Variants in LRP6 observed in about 807,000 individuals in gnomAD.
The protein encoded by LRP6 is low-density lipoprotein receptor-related protein 6.
Under a neutral mutation model 184.1 loss-of-function variants are expected in LRP6, and 43 were observed. The observed-to-expected ratio is 0.23, with a 90% CI of 0.18 to 0.30. LRP6 has a LOEUF of 0.30. Ranked by LOEUF, LRP6 falls within the 10% of genes least tolerant of loss-of-function variation. LRP6 has a pLI of 1.00. For synonymous variants in LRP6, 719 were observed against 684.9 expected (o/e 1.05, Z -0.78); for missense variants, 1,571 against 2,005.3 (o/e 0.78, Z 4.14).
Position 12,116,589 on chromosome 12 carries a change from T to G in LRP6, c.*4537A>C, listed in dbSNP as rs541718138. 6.6e-6 allele frequency: 1 copy of G among 152,282 alleles called. No homozygotes were observed. Among genetic ancestry groups the G allele is most frequent in the African/African-American group, 2.4e-5 (1 of 41,544 alleles). 9.4% of individuals were successfully genotyped at this position (152,282 alleles called of 1,614,324 possible). On this transcript the variant is annotated 3_prime_UTR_variant, in exon 23 of 23. Coordinates refer to ENST00000261349, the MANE Select transcript of LRP6 (RefSeq NM_002336.3). ...TGACTGAAAAACACAACCACCAAAA[T>G]GGACAGTTCAGCAAAAGCGCGTTGT...
At chr12:12,198,387 T>C (rs1230339023) in intron 3 of LRP6, among the ~76,000 whole-genome samples, 1 of 152,148 alleles carries the variant, frequency 6.6e-6, no homozygotes, top group Non-Finnish European at 1.5e-5. Flanking sequence ...TATTTCTTTT[T>C]GGTCTTTAAA....
intron 11 of LRP6, 24 bp downstream of exon 11, chr12:12,159,756 T>C (rs762724545): frequency 1.3e-5 from 21 of 1,611,178 alleles, no homozygotes; most frequent in Non-Finnish European, 1.8e-5. Flanking sequence ...ATATACTGTT[T>C]GAGTAAAAAG....
intron 2 of LRP6, among the ~76,000 whole-genome samples, chr12:12,242,557 C>G (rs764867441): frequency 1.3e-5 from 2 of 152,224 alleles, no homozygotes; most frequent in Non-Finnish European, 2.9e-5. Context: ...CTGAGCCTTA[C>G]AAACTCTGTT....
intron 7 of LRP6, among the ~76,000 whole-genome samples, chr12:12,171,029 C>T (rs1216380137): frequency 3.3e-5 from 5 of 152,000 alleles, no homozygotes; most frequent in African/African-American, 4.8e-5. Context: ...CTTAGCCCTC[C>T]TGCTTAAGAC....
chr12:12,193,926 A>T (rs941656246), intron 3 of LRP6, among the ~76,000 whole-genome samples: 1 of 152,098 alleles, frequency 6.6e-6, no homozygotes, highest in Non-Finnish European at 1.5e-5. Context: ...TTCACTATTA[A>T]AGACATAAAA....
rs569634750 is a variant in LRP6, at chr12:12,249,371, G to T, written c.56-4716C>A. On this transcript the variant is annotated intron_variant, in intron 1 of 22. Coordinates refer to ENST00000261349, the MANE Select transcript of LRP6 (RefSeq NM_002336.3). ...CCTGCAAGAGCTTTGGCGCCTAATG[G>T]TGTCTAAAGAAAATATGAAACTCCC... The T allele has an allele frequency of 9.5e-5, 98 of 1,026,282 alleles. No individual in the cohort carries two copies. The East Asian group carries it at 2.1e-3, about 22-fold the overall frequency. The allele number at this position is 1,026,282 out of a possible 1,614,324, so 63.6% of individuals were successfully genotyped here. A position where few individuals can be genotyped will look rare whatever the true frequency, so the allele number is the denominator to read the frequency against.
chr12:12,228,437 G>A (rs756386668), intron 2 of LRP6, among the ~76,000 whole-genome samples: 9 of 152,198 alleles, frequency 5.9e-5, no homozygotes, highest in Admixed American at 5.9e-4. Context: ...GATGTCTTCA[G>A]TTTATGCAGT....
intron 1 of LRP6, among the ~76,000 whole-genome samples, chr12:12,265,655 C>A (rs889321096): frequency 2.0e-5 from 3 of 152,174 alleles, no homozygotes; most frequent in African/African-American, 7.2e-5. Flanking sequence ...GCCACCGTAT[C>A]GAGCAGTACT....
intron 20 of LRP6, 130 bp downstream of exon 20, chr12:12,126,561 T>C: frequency 1.3e-6 from 1 of 753,980 alleles, no homozygotes; most frequent in Non-Finnish European, 2.3e-6. Context: ...AGAACGTTTG[T>C]CCTTATAATT....
chr12:12,184,116 C>A lies in LRP6; in HGVS notation c.845-5G>T. 1 of 1,612,122 alleles carries A rather than the reference C, an allele frequency of 6.2e-7. No individual in the cohort carries two copies. The highest frequency in any genetic ancestry group is 1.1e-5 in the South Asian group (1 of 90,954). ...CAATTCCACATGGATTTGTGGCTGT[C>A]AAATATAAATCACATTGATTAATAT... On this transcript the variant is annotated splice_region_variant and splice_polypyrimidine_tract_variant and intron_variant, in intron 4 of 22. Transcript: ENST00000261349.
At position 12,159,149 on chromosome 12, in the gene LRP6, T is replaced by C; in HGVS notation, c.2471A>G (p.Asn824Ser). ...LIESSNMLGL[N>S]REVIADDLPH... ...CAAGTCATCTGCTATAACTTCACGG[T>C]TGAGCCCTATTTTCAGAAAGGCAGT... The change falls in exon 12 of 23, where the codon AAC becomes AGC. Residue 824 changes from asparagine (N) to serine (S), a missense_variant. Around this residue, in one of 4 missense-constraint regions of LRP6, gnomAD observed 158 missense variants for 258.4 expected, o/e 0.61. Coordinates refer to ENST00000261349, the MANE Select transcript of LRP6 (RefSeq NM_002336.3). The C allele has an allele frequency of 6.2e-7, 1 of 1,613,940 alleles. No individual in the cohort carries two copies. The highest frequency in any genetic ancestry group is 8.5e-7 in the Non-Finnish European group (1 of 1,179,876).
At chr12:12,208,435 CAT>C (rs1467826373) in intron 2 of LRP6, among the ~76,000 whole-genome samples, 11 of 152,174 alleles carry the variant, frequency 7.2e-5, no homozygotes, top group Admixed American at 1.3e-4. Flanking sequence ...GAATAAGAAA[CAT>C]AAACTATTTC....
At position 12,218,057 on chromosome 12, in the gene LRP6, T is replaced by C. The variant is rs558996261; in HGVS notation, c.450-14657A>G. On this transcript the variant is annotated intron_variant, in intron 2 of 22. Transcript: ENST00000261349. ...TCCCAAAACTCCATTATATGTGTGT[T>C]TCAAAAGATACCACAAAGAAAGTGA... Among the ~76,000 whole-genome samples the C allele has an allele frequency of 5.3e-4, 80 of 152,256 alleles. 1 individual carries two copies. The highest frequency in any genetic ancestry group is 1.9e-3 in the African/African-American group (79 of 41,544).
At chr12:12,240,837 G>A (rs1173157835) in intron 2 of LRP6, among the ~76,000 whole-genome samples, 2 of 152,064 alleles carry the variant, frequency 1.3e-5, no homozygotes, top group African/African-American at 2.4e-5. Flanking sequence ...CCAGCATTAG[G>A]AGCAGCCACA....
chr12:12,207,424 C>T (rs1399903143), intron 2 of LRP6, among the ~76,000 whole-genome samples: 1 of 149,564 alleles, frequency 6.7e-6, no homozygotes, highest in South Asian at 2.1e-4. Context: ...GAGGCTGAGG[C>T]AGGGGAGGCT....
chr12:12,203,327 T>C lies in LRP6; in HGVS notation c.523A>G (p.Ile175Val). The C allele has an allele frequency of 2.5e-6, 4 of 1,614,148 alleles. No individual in the cohort carries two copies. The highest frequency in any genetic ancestry group is 1.3e-5 in the African/African-American group (1 of 75,056). Residue 175 changes from isoleucine to valine, a missense_variant, in exon 3 of 23, where the codon ATT becomes GTT. Physicochemically the swap from Ile to Val is conservative, Grantham distance 29 (BLOSUM62 3). Transcript: ENST00000261349. The stretch of plus-strand genomic sequence containing the variant: ...CAGTAAATTTCACTGTTTATTATAA[T>C]GAAGCGACTTGAACCATCCATTCCA... ...RAGMDGSSRFIIINSEIYWPN... is the reference protein window; with the variant it reads ...RAGMDGSSRFVIINSEIYWPN...
intron 9 of LRP6, among the ~76,000 whole-genome samples, chr12:12,162,971 C>T (rs1862775661): frequency 6.6e-6 from 1 of 152,100 alleles, no homozygotes. Flanking sequence ...GCAAGTATGG[C>T]ATCACCCCTA....
intron 1 of LRP6, among the ~76,000 whole-genome samples, chr12:12,245,254 A>G (rs940648819): frequency 6.6e-6 from 1 of 152,248 alleles, no homozygotes. Context: ...ACAGAAAATA[A>G]TGAACCCTTT....
chr12:12,164,553 G>C lies in LRP6; in HGVS notation c.1772C>G (p.Pro591Arg), dbSNP rs747337245. 1.5e-5 allele frequency: 25 copies of C among 1,613,934 alleles called. No homozygotes were observed. Among genetic ancestry groups the C allele is most frequent in the Non-Finnish European group, 2.1e-5 (25 of 1,180,016 alleles). Residue 591 changes from proline (P) to arginine (R), a missense_variant, in exon 9 of 23, where the codon CCC becomes CGC. Physicochemically the swap from Pro to Arg is moderately radical, Grantham distance 103 (BLOSUM62 -2). Transcript: ENST00000261349. ...TNVHRVIGSN[P>R]CAEENGGCSH... ...ACATCCCCCGTTTTCCTCAGCACAG[G>C]GGTTGGAACCTAAAAGATTAATTAT... is the stretch of plus-strand genomic sequence containing the variant.
Sources: allele counts gnomAD v4.1 joint callset (sites outside exome capture counted in the v4.1 genomes callset), GRCh38; gene constraint gnomAD v4.1.1; regional missense constraint gnomAD v4.1.1; transcripts MANE v1.5; gene names NCBI Gene and HGNC (gene_info 2026-07-23, HGNC 2026-07-21).